Variants in RPTOR observed in about 807,000 individuals in gnomAD.
The protein encoded by RPTOR is regulatory associated protein of MTOR complex 1, also known as regulatory-associated protein of mTOR.
In RPTOR, 21 loss-of-function variants were observed where a neutral mutation model predicts 169.9. The ratio of observed to expected loss-of-function variants is 0.12; its 90% CI spans 0.09 to 0.18. The LOEUF (loss-of-function observed/expected upper bound fraction) is 0.18. Among genes scored for constraint, RPTOR ranks in the 10% least tolerant of loss-of-function variants. RPTOR has a pLI of 1.00. For synonymous variants in RPTOR, 732 were observed against 753.2 expected, an observed-to-expected ratio of 0.97 and a Z score of 0.46; for missense variants, 1,133 against 1,855.9, an observed-to-expected ratio of 0.61 and a Z score of 7.16.
intron 6 of RPTOR, among the ~76,000 whole-genome samples, chr17:80,788,329 G>A (rs565782459): frequency 4.6e-5 from 7 of 152,104 alleles, no homozygotes; most frequent in South Asian, 2.1e-4. Context: ...AAAATTAGCC[G>A]GGCATGGTGG....
chr17:80,685,617 ATATATATATATTTTTTTT>A (rs2065935417), intron 3 of RPTOR, among the ~76,000 whole-genome samples: 1 of 12,230 alleles, frequency 8.2e-5, no homozygotes, highest in Non-Finnish European at 1.7e-4. Context: ...ATATATATAT[ATATATATATATTTTTTTT>A]TTTTTTTTTT....
At chr17:80,688,219 T>C (rs190352112) in intron 3 of RPTOR, among the ~76,000 whole-genome samples, 71 of 152,318 alleles carry the variant, frequency 4.7e-4, no homozygotes, top group Admixed American at 3.7e-3. Flanking sequence ...GCTCATTTAA[T>C]CTTCACAGAA....
chr17:80,818,297 A>C (rs1489095719), intron 7 of RPTOR, among the ~76,000 whole-genome samples: 1 of 152,218 alleles, frequency 6.6e-6, no homozygotes, highest in Non-Finnish European at 1.5e-5. Flanking sequence ...TTCACATAGA[A>C]GTCCTTGATT....
intron 2 of RPTOR, among the ~76,000 whole-genome samples, chr17:80,626,817 A>G (rs1208309051): frequency 8.1e-6 from 1 of 122,824 alleles, no homozygotes; most frequent in African/African-American, 3.2e-5. Flanking sequence ...ATTATTTTTC[A>G]TTCTAGGAAT....
chr17:80,929,523 G>T (rs545077780), intron 24 of RPTOR, among the ~76,000 whole-genome samples: 1 of 152,344 alleles, frequency 6.6e-6, no homozygotes, highest in Middle Eastern at 3.4e-3. Context: ...GGCATCACAC[G>T]CAGAACCCAG....
At position 80,923,832 on chromosome 17, in the gene RPTOR, C is replaced by T. The variant is rs985795439; in HGVS notation, c.2808+159C>T. On this transcript the variant is annotated intron_variant, in intron 23 of 33. Coordinates refer to ENST00000306801, the MANE Select transcript of RPTOR (RefSeq NM_020761.3). ...TGGGCCACTCTCTGCCTTTGCAGAC[C>T]CGGGTGCTGGTCCTCACTCGTGCAC... The T allele has an allele frequency of 4.5e-5, 35 of 784,634 alleles. No homozygotes were observed. In the Middle Eastern group the frequency reaches 1.5e-3, roughly 34 times the overall value. 48.6% of individuals were successfully genotyped at this position (784,634 alleles called of 1,614,324 possible).
At position 80,952,831 on chromosome 17, in the gene RPTOR, T is replaced by C. The variant is rs898351894; in HGVS notation, c.3370+3284T>C. 2.0e-5 allele frequency among the ~76,000 whole-genome samples: 3 copies of C among 148,140 alleles called. No homozygotes were observed. In the South Asian group the frequency reaches 6.5e-4, roughly 32 times the overall value. ...AGTGCAGAGCCCAGACCCATGCATCTCTCCCTTCTCTTTTTCTTTTCTTCT... is the reference window on the plus strand; with the variant it reads ...AGTGCAGAGCCCAGACCCATGCATCCCTCCCTTCTCTTTTTCTTTTCTTCT... On this transcript the variant is annotated intron_variant, in intron 28 of 33. Transcript: ENST00000306801.
chr17:80,914,047 C>T (rs566019859), intron 21 of RPTOR, among the ~76,000 whole-genome samples: 9 of 152,356 alleles, frequency 5.9e-5, no homozygotes, highest in Non-Finnish European at 1.3e-4. Flanking sequence ...GTGCGCTGGC[C>T]GCTGCCTCTG....
rs2084505163 is a variant in RPTOR at position 80,562,041 on chromosome 17, A to G, written c.162+16250A>G. On this transcript the variant is annotated intron_variant, in intron 1 of 33. Coordinates refer to ENST00000306801, the MANE Select transcript of RPTOR (RefSeq NM_020761.3). The surrounding 1 kb of genome is among the most constrained non-coding windows in gnomAD (Gnocchi z 4.4). ...GTATATGTGTGTGTTAGGGAGGAGC[A>G]TGGTGTGGGGTGGGGAGTCTCTTGA... Among the ~76,000 whole-genome samples the G allele has an allele frequency of 1.3e-5, 2 of 151,946 alleles. No homozygotes were observed. The highest frequency in any genetic ancestry group is 2.9e-5 in the Non-Finnish European group (2 of 67,996).
At chr17:80,725,063 C>A (rs2066320066) in intron 4 of RPTOR, among the ~76,000 whole-genome samples, 1 of 152,200 alleles carries the variant, frequency 6.6e-6, no homozygotes, top group South Asian at 2.1e-4. Context: ...ATAAAACGCT[C>A]ACATTTAACT....
intron 31 of RPTOR, chr17:80,961,789 CA>C (rs2069346052): frequency 1.1e-5 from 4 of 362,862 alleles, no homozygotes; most frequent in Non-Finnish European, 1.5e-5. Flanking sequence ...GGCAGGGTGG[CA>C]GGGGCGGCGC....
At chr17:80,884,085 G>A (rs11656246) in intron 16 of RPTOR, 113 bp downstream of exon 16, 249,765 of 1,010,978 alleles carry the variant, frequency 0.25, 32,861 homozygotes, top group East Asian at 0.39. Context: ...AACTTCAGGG[G>A]CTGCACGCTA....
In RPTOR at chr17:80,845,820, G is replaced by T. The variant is rs2067722478; in HGVS notation, c.1213-653G>T. Among the ~76,000 whole-genome samples, 1 of 152,172 alleles carries T rather than the reference G, an allele frequency of 6.6e-6. No homozygotes were observed. The highest frequency in any genetic ancestry group is 2.1e-4 in the South Asian group (1 of 4,832). ...TTTTGCCCAACTCCAGAGCGTTCTT[G>T]CTGCTGATCCGGGGCCCAGTCAGCT... is the stretch of plus-strand genomic sequence containing the variant. On this transcript the variant is annotated intron_variant, in intron 10 of 33. Transcript: ENST00000306801. This position sits in a 1 kb window ranked among gnomAD's most constrained non-coding sequence, Gnocchi z 5.4.
rs897351983 is a variant in RPTOR at position 80,784,694 on chromosome 17, A to G, written c.831-6756A>G. ...AGGCATGAGCCACTGTGCCCGGCCT[A>G]TTTTACTTTTTTTTTTTTTTTGAGA... On this transcript the variant is annotated intron_variant, in intron 6 of 33. Transcript: ENST00000306801. 7.0e-4 allele frequency among the ~76,000 whole-genome samples: 88 copies of G among 124,898 alleles called. 1 individual carries two copies. The highest frequency in any genetic ancestry group is 5.5e-3 in the Middle Eastern group (1 of 182). 81.9% of individuals were successfully genotyped at this position (124,898 alleles called of 152,430 possible). A position where few individuals can be genotyped will look rare whatever the true frequency, so the allele number is the denominator to read the frequency against.
intron 5 of RPTOR, among the ~76,000 whole-genome samples, chr17:80,738,352 T>A (rs1399762029): frequency 1.3e-5 from 2 of 152,244 alleles, no homozygotes; most frequent in African/African-American, 4.8e-5. Context: ...TGCTTCTCTG[T>A]GCCCATGCAC....
At chr17:80,624,658 A>G (rs2065379426) in intron 1 of RPTOR, among the ~76,000 whole-genome samples, 1 of 152,234 alleles carries the variant, frequency 6.6e-6, no homozygotes, top group African/African-American at 2.4e-5. Context: ...CAGATTATTT[A>G]ACAGGGATTG....
intron 5 of RPTOR, among the ~76,000 whole-genome samples, chr17:80,739,461 G>A (rs1283323009): frequency 3.9e-5 from 6 of 152,206 alleles, no homozygotes; most frequent in Non-Finnish European, 5.9e-5. Flanking sequence ...CTGTGTTGAA[G>A]TGTCAGCTGT....
rs141974573 is a variant in RPTOR, at chr17:80,618,305, A to T, written c.163-7386A>T. Reference sequence around the variant, plus strand: ...CCTGGCCAAAACAGTTGCAGTTTCTATAATAAACTTTTTTTCCCCCAGAAT... The same window carrying T: ...CCTGGCCAAAACAGTTGCAGTTTCTTTAATAAACTTTTTTTCCCCCAGAAT... On this transcript the variant is annotated intron_variant, in intron 1 of 33. Coordinates refer to ENST00000306801, the MANE Select transcript of RPTOR (RefSeq NM_020761.3). 1.1e-4 allele frequency among the ~76,000 whole-genome samples: 17 copies of T among 152,326 alleles called. 1 individual carries two copies. In the South Asian group the frequency reaches 3.5e-3, roughly 32 times the overall value.
intron 6 of RPTOR, among the ~76,000 whole-genome samples, chr17:80,756,893 T>C (rs1007565650): frequency 2.6e-5 from 4 of 152,146 alleles, no homozygotes; most frequent in Non-Finnish European, 5.9e-5. Context: ...TAGTCTATTA[T>C]AGCAACACAA....
Sources: allele counts gnomAD v4.1 joint callset (sites outside exome capture counted in the v4.1 genomes callset), GRCh38; gene constraint gnomAD v4.1.1; non-coding constraint Gnocchi (gnomAD v3.1); transcripts MANE v1.5; gene names NCBI Gene and HGNC (gene_info 2026-07-23, HGNC 2026-07-21).